CFAP99: variants seen among roughly 807,000 people sequenced by gnomAD.
CFAP99 encodes the protein cilia and flagella associated protein 99.
A neutral mutation model predicts 82.7 loss-of-function variants in CFAP99; 84 were observed. That is an observed-to-expected ratio of 1.02 (90% CI 0.85 to 1.22). The LOEUF is 1.22. Ranked by LOEUF, CFAP99 falls within the 50% of genes most tolerant of loss-of-function variation. CFAP99 has a pLI of 0.00. For synonymous variants in CFAP99, 456 were observed against 429.5 expected, an observed-to-expected ratio of 1.06 and a Z score of -0.76; for missense variants, 1,059 against 983.5, an observed-to-expected ratio of 1.08 and a Z score of -1.03.
At chr4:2,434,007 G>A (rs773066015) in intron 2 of CFAP99, among the ~76,000 whole-genome samples, 1 of 152,250 alleles carries the variant, frequency 6.6e-6, no homozygotes, top group Non-Finnish European at 1.5e-5. Context: ...ACTTGAAGGG[G>A]AGCAAGAGGA....
At chr4:2,458,171 T>C (rs6849326) in intron 11 of CFAP99, among the ~76,000 whole-genome samples, 21,210 of 152,242 alleles carry the variant, frequency 0.14, 1,569 homozygotes, top group African/African-American at 0.16. Flanking sequence ...CTCTTTTCTC[T>C]CTTTGCTCAT....
chr4:2,457,191 C>A (rs751166602), intron 11 of CFAP99, among the ~76,000 whole-genome samples: 1 of 152,106 alleles, frequency 6.6e-6, no homozygotes, highest in African/African-American at 2.4e-5. Flanking sequence ...AATCCTCCCC[C>A]CTCAGCTTCC....
exon 6 of CFAP99, chr4:2,445,271 C>A: frequency 1.4e-6 from 2 of 1,393,930 alleles, no homozygotes; most frequent in Non-Finnish European, 9.3e-7. Flanking sequence ...ACCATTCCAG[C>A]GCCCGAACCA....
chr4:2,455,514 A>C (rs909272773), intron 11 of CFAP99, among the ~76,000 whole-genome samples: 5 of 152,074 alleles, frequency 3.3e-5, no homozygotes, highest in South Asian at 2.1e-4. Flanking sequence ...GTCTACTAAA[A>C]AAACAAACAA....
At chr4:2,442,624 T>C (rs2108725104) in intron 4 of CFAP99, among the ~76,000 whole-genome samples, 1 of 152,130 alleles carries the variant, frequency 6.6e-6, no homozygotes, top group Non-Finnish European at 1.5e-5. Flanking sequence ...TCTGGGGCCG[T>C]CACCATGGAG....
chr4:2,429,206 A>T (rs1207332382), intron 2 of CFAP99: 1 of 152,226 alleles, frequency 6.6e-6, no homozygotes, highest in South Asian at 2.1e-4. Flanking sequence ...GCGCAGCCAC[A>T]TAGCACCTTG....
chr4:2,450,875 C>G lies in CFAP99; in HGVS notation c.796-72C>G, dbSNP rs979778285. The G allele has an allele frequency of 1.4e-5, 19 of 1,314,444 alleles. No individual in the cohort carries two copies. The Admixed American group carries it at 3.2e-4, about 22-fold the overall frequency. 81.4% of individuals were successfully genotyped at this position (1,314,444 alleles called of 1,614,324 possible). ...CTCCCCAGGGTGCTGGGCCAGCATC[C>G]ACCTGGTATGTGTTTGGGGGCACCC... On this transcript the variant is annotated intron_variant, in intron 8 of 14. Coordinates refer to ENST00000635017, the Ensembl canonical transcript of CFAP99.
chr4:2,436,500 C>T (rs1483274468), intron 2 of CFAP99, among the ~76,000 whole-genome samples: 4 of 152,190 alleles, frequency 2.6e-5, no homozygotes, highest in East Asian at 3.8e-4. Context: ...TTCATCCGAG[C>T]GAACTGAAGC....
rs1560381476 is a variant in CFAP99, at chr4:2,438,169, GCCA to G, written c.351+8_351+10del. The G allele has an allele frequency of 6.6e-7, 1 of 1,526,044 alleles. No homozygotes were observed. Among genetic ancestry groups the G allele is most frequent in the East Asian group, 2.4e-5 (1 of 40,852 alleles). 94.5% of individuals were successfully genotyped at this position (1,526,044 alleles called of 1,614,324 possible). On this transcript the variant is annotated splice_donor_region_variant and intron_variant, in intron 4 of 14. Transcript: ENST00000635017. ...CCCGTGGATAAGATGTGCAAGGTGA[GCCA>G]CCCCTACCTGCCCACCAGGCCACGA...
In CFAP99 at chr4:2,423,907, C is replaced by T. The variant is rs114155057; in HGVS notation, c.-17-2552C>T. 3.3e-3 allele frequency among the ~76,000 whole-genome samples: 499 copies of T among 152,254 alleles called. 2 individuals carry two copies. Among genetic ancestry groups the T allele is most frequent in the African/African-American group, 0.011 (477 of 41,542 alleles). ...TGGGGTGGGGGGAGGGGGACCCAGC[C>T]GGGGCCCAGGGCAGGCTCCCGGGCA... On this transcript the variant is annotated intron_variant, in intron 1 of 14. Coordinates refer to ENST00000635017, the Ensembl canonical transcript of CFAP99.
intron 1 of CFAP99, among the ~76,000 whole-genome samples, chr4:2,420,098 A>G (rs1733533124): frequency 6.6e-6 from 1 of 151,300 alleles, no homozygotes; most frequent in African/African-American, 2.4e-5. Context: ...AACAGATCCC[A>G]CTGTCCACTT....
chr4:2,445,821 G>A (rs1445860852), intron 6 of CFAP99, among the ~76,000 whole-genome samples: 1 of 152,168 alleles, frequency 6.6e-6, no homozygotes, highest in Admixed American at 6.5e-5. Context: ...ACCCTCATGA[G>A]TGAAGTAGGA....
In CFAP99 at chr4:2,452,315, AC is replaced by A; in HGVS notation, c.1131del (p.Asn377LysfsTer15). 3.3e-6 allele frequency: 5 copies of A among 1,535,032 alleles called. No homozygotes were observed. Among genetic ancestry groups the A allele is most frequent in the Non-Finnish European group, 4.4e-6 (5 of 1,146,854 alleles). ...GCCCGGCAGAGCCTCATGCAGGAGA[AC>A]AAGCAGAGGGTGGAGCAGCAGAAGG... On this transcript the variant is annotated frameshift_variant, in exon 11 of 15. Coordinates refer to ENST00000635017, the Ensembl canonical transcript of CFAP99. LOFTEE classifies it high-confidence loss of function.
chr4:2,462,464 TGCG>T lies in CFAP99; in HGVS notation c.1689_1691del (p.Ala564del). 6.8e-7 allele frequency: 1 copy of T among 1,466,038 alleles called. No individual in the cohort carries two copies. The highest frequency in any genetic ancestry group is 1.3e-5 in the South Asian group (1 of 76,156). The allele number at this position is 1,466,038 out of a possible 1,614,324, so 90.8% of individuals were successfully genotyped here. On this transcript the variant is annotated inframe_deletion, in exon 15 of 15. Coordinates refer to ENST00000635017, the Ensembl canonical transcript of CFAP99. This position sits in a 1 kb window ranked among gnomAD's most constrained non-coding sequence, Gnocchi z 4.1. ...CCAGGTGGGAGGAAAAGAAGGCCCTTGCGGCGGCCCCGGCGGCGCCCTCGCAGG... is the reference window on the plus strand; with the variant it reads ...CCAGGTGGGAGGAAAAGAAGGCCCTTGCGGCCCCGGCGGCGCCCTCGCAGG...
rs1296076371 is a variant in CFAP99 at position 2,462,025 on chromosome 4, C to G, written c.1662-418C>G. Among the ~76,000 whole-genome samples, 1 of 151,464 alleles carries G rather than the reference C, an allele frequency of 6.6e-6. No individual in the cohort carries two copies. Among genetic ancestry groups the G allele is most frequent in the East Asian group, 1.9e-4 (1 of 5,174 alleles). On this transcript the variant is annotated intron_variant, in intron 14 of 14. Coordinates refer to ENST00000635017, the Ensembl canonical transcript of CFAP99. This position sits in a 1 kb window ranked among gnomAD's most constrained non-coding sequence, Gnocchi z 4.1. ...AAAAAAAAGCTGCTAGGCGCCGTGG[C>G]TCACGCCTGTAATCCCAGCATTTTG... is the stretch of plus-strand genomic sequence containing the variant.
In CFAP99 at chr4:2,457,515, G is replaced by T. The variant is rs547163229; in HGVS notation, c.1162-1208G>T. Among the ~76,000 whole-genome samples, 26 of 152,330 alleles carry T rather than the reference G, an allele frequency of 1.7e-4. No homozygotes were observed. The East Asian group carries it at 4.6e-3, about 27-fold the overall frequency. ...GCAGGGCCCAAGGATGCATGTGGCT[G>T]CCCCTGGCCCCTGAGTGACGGCAGG... On this transcript the variant is annotated intron_variant, in intron 11 of 14. Coordinates refer to ENST00000635017, the Ensembl canonical transcript of CFAP99.
chr4:2,425,635 C>A (rs1203783), intron 1 of CFAP99, among the ~76,000 whole-genome samples: 1 of 152,208 alleles, frequency 6.6e-6, no homozygotes, highest in Non-Finnish European at 1.5e-5. Flanking sequence ...CCAGCGCTGC[C>A]CTACTGTCCT....
chr4:2,455,938 T>C (rs1734414889), intron 11 of CFAP99, among the ~76,000 whole-genome samples: 1 of 152,252 alleles, frequency 6.6e-6, no homozygotes, highest in African/African-American at 2.4e-5. Flanking sequence ...TTGTTTCTGC[T>C]TGAGGTCCTA....
rs1209066538 is a variant in CFAP99 at position 2,459,097 on chromosome 4, G to A, written c.1304-10G>A. ...CACCAGCCACCTCAGCTCCTGGCTT[G>A]GCCCCCAAGTTCAGGAGGCGATCGA... On this transcript the variant is annotated splice_polypyrimidine_tract_variant and intron_variant, in intron 12 of 14. Coordinates refer to ENST00000635017, the Ensembl canonical transcript of CFAP99. The A allele has an allele frequency of 1.3e-6, 2 of 1,503,534 alleles. No homozygotes were observed. The highest frequency in any genetic ancestry group is 4.3e-5 in the Admixed American group (2 of 46,032). The allele number at this position is 1,503,534 out of a possible 1,614,324, so 93.1% of individuals were successfully genotyped here.
Sources: allele counts gnomAD v4.1 joint callset (sites outside exome capture counted in the v4.1 genomes callset), GRCh38; gene constraint gnomAD v4.1.1; non-coding constraint Gnocchi (gnomAD v3.1); transcripts MANE v1.5; gene names NCBI Gene and HGNC (gene_info 2026-07-23, HGNC 2026-07-21).